Variants in ARHGAP19 observed in about 807,000 individuals in gnomAD.
ARHGAP19 encodes Rho GTPase activating protein 19.
A neutral mutation model predicts 60.9 loss-of-function variants in ARHGAP19; 48 were observed. The observed-to-expected ratio is 0.79, with a 90% CI of 0.62 to 1.00. The LOEUF (loss-of-function observed/expected upper bound fraction) is 1.00, where lower values mean the gene tolerates loss of function less well. Among genes scored for constraint, ARHGAP19 ranks in the 50% least tolerant of loss-of-function variants. The pLI is 0.00. For missense variants in ARHGAP19, 562 were observed against 597.2 expected (o/e 0.94, Z 0.61); for synonymous variants, 209 against 215.5 (o/e 0.97, Z 0.27).
intron 8 of ARHGAP19, among the ~76,000 whole-genome samples, chr10:97,241,806 A>G (rs1842487140): frequency 1.3e-5 from 2 of 152,044 alleles, no homozygotes; most frequent in Non-Finnish European, 2.9e-5. Flanking sequence ...TTAGGAGATC[A>G]AGACCATCCT....
intron 1 of ARHGAP19, among the ~76,000 whole-genome samples, chr10:97,284,421 C>G (rs1371914559): frequency 6.6e-6 from 1 of 152,036 alleles, no homozygotes; most frequent in Non-Finnish European, 1.5e-5. Context: ...CTCAGACCAG[C>G]CCCCATTTTT....
At chr10:97,256,892 C>T (rs568913547) in intron 5 of ARHGAP19, among the ~76,000 whole-genome samples, 4 of 152,160 alleles carry the variant, frequency 2.6e-5, no homozygotes, top group Admixed American at 1.3e-4. Flanking sequence ...GAGGCCAAGG[C>T]GGGCAGATCA....
intron 1 of ARHGAP19, among the ~76,000 whole-genome samples, chr10:97,287,507 C>T (rs142549524): frequency 1.5e-3 from 226 of 152,240 alleles, no homozygotes; most frequent in African/African-American, 5.3e-3. Flanking sequence ...TTTGGGAGGC[C>T]AAGGCAAGAG....
At chr10:97,228,652 C>A (rs769224383) in intron 11 of ARHGAP19, among the ~76,000 whole-genome samples, 1 of 152,112 alleles carries the variant, frequency 6.6e-6, no homozygotes, top group South Asian at 2.1e-4. Context: ...GCAGTCCCAG[C>A]ATTAAATAGT....
At chr10:97,229,905 T>C in intron 9 of ARHGAP19, 31 bp from the exon 10 acceptor site, 3 of 1,476,970 alleles carry the variant, frequency 2.0e-6, no homozygotes, top group African/African-American at 2.8e-5. Flanking sequence ...ATTTGATTTA[T>C]AAACACCTAC....
At chr10:97,281,180 C>A (rs1477834862) in intron 1 of ARHGAP19, among the ~76,000 whole-genome samples, 2 of 139,708 alleles carry the variant, frequency 1.4e-5, no homozygotes, top group Non-Finnish European at 3.0e-5. Context: ...CCTAGGAGTT[C>A]AAGACCAGTA....
intron 4 of ARHGAP19, among the ~76,000 whole-genome samples, chr10:97,260,929 ATAT>A (rs1381754639): frequency 7.0e-6 from 1 of 142,662 alleles, no homozygotes; most frequent in Admixed American, 7.2e-5. Flanking sequence ...CCCCATCTCT[ATAT>A]TTAAAAAAAA....
rs377506718 is a variant in ARHGAP19, at chr10:97,247,966, C to CTTT, written c.928-1632_928-1630dup. ...AGTATATCTTTTAATGTGGTTTTGA[C>CTTT]TTTTTTTTTTTTTTTTTGAGACGGA... On this transcript the variant is annotated intron_variant, in intron 6 of 11. Coordinates refer to ENST00000358531, the MANE Select transcript of ARHGAP19 (RefSeq NM_032900.6). Among the ~76,000 whole-genome samples the CTTT allele has an allele frequency of 2.2e-4, 30 of 135,028 alleles. 1 individual carries two copies. Among genetic ancestry groups the CTTT allele is most frequent in the Non-Finnish European group, 3.0e-4 (19 of 64,394 alleles). The allele number at this position is 135,028 out of a possible 152,430, so 88.6% of individuals were successfully genotyped here. A position where few individuals can be genotyped will look rare whatever the true frequency, so the allele number is the denominator to read the frequency against.
chr10:97,265,718 G>C, intron 2 of ARHGAP19, 142 bp downstream of exon 2: 1 of 876,398 alleles, frequency 1.1e-6, no homozygotes, highest in Non-Finnish European at 1.8e-6. Context: ...TATTACTTAA[G>C]GTGTTACTAC....
At chr10:97,283,754 G>A (rs1258709672) in intron 1 of ARHGAP19, among the ~76,000 whole-genome samples, 1 of 149,320 alleles carries the variant, frequency 6.7e-6, no homozygotes, top group Non-Finnish European at 1.5e-5. Flanking sequence ...CAGCACTTTG[G>A]GTTGCCAAGG....
In ARHGAP19 at chr10:97,252,353, T is replaced by C. The variant is rs374152840; in HGVS notation, c.927+3965A>G. 1.6e-3 allele frequency among the ~76,000 whole-genome samples: 227 copies of C among 146,212 alleles called. 1 individual carries two copies. Among genetic ancestry groups the C allele is most frequent in the Middle Eastern group, 7.8e-3 (2 of 258 alleles). ...AAAAAAAAAAATAGCCCGGGCGCGG[T>C]GGCTCACGCCTGTAATCCCAGCATT... On this transcript the variant is annotated intron_variant, in intron 6 of 11. Coordinates refer to ENST00000358531, the MANE Select transcript of ARHGAP19 (RefSeq NM_032900.6).
intron 6 of ARHGAP19, among the ~76,000 whole-genome samples, chr10:97,250,118 T>C (rs769242089): frequency 6.6e-6 from 1 of 152,074 alleles, no homozygotes; most frequent in Non-Finnish European, 1.5e-5. Flanking sequence ...TGTTTATTAT[T>C]GGGAGATGCA....
intron 1 of ARHGAP19, among the ~76,000 whole-genome samples, chr10:97,270,413 C>A (rs754725455): frequency 1.3e-5 from 2 of 152,136 alleles, no homozygotes; most frequent in African/African-American, 2.4e-5. Context: ...ACAAAGCCCA[C>A]TAATCCCTTT....
At chr10:97,250,711 G>T (rs947030265) in intron 6 of ARHGAP19, among the ~76,000 whole-genome samples, 1 of 150,606 alleles carries the variant, frequency 6.6e-6, no homozygotes, top group Non-Finnish European at 1.5e-5. Context: ...CTATAAAACG[G>T]AGCTTAAGAC....
chr10:97,254,241 A>T (rs1842725571), intron 6 of ARHGAP19, among the ~76,000 whole-genome samples: 1 of 152,172 alleles, frequency 6.6e-6, no homozygotes, highest in Non-Finnish European at 1.5e-5. Context: ...AAAATGAAGA[A>T]CCAACCTGGA....
At chr10:97,237,444 T>C (rs1251935817) in intron 8 of ARHGAP19, among the ~76,000 whole-genome samples, 4 of 152,158 alleles carry the variant, frequency 2.6e-5, no homozygotes, top group Non-Finnish European at 4.4e-5. Flanking sequence ...ATGATATCAC[T>C]GCTGTCCTAA....
rs1842751723 is a variant in ARHGAP19, at chr10:97,256,308, C to A, written c.927+10G>T. 1.2e-6 allele frequency: 2 copies of A among 1,605,454 alleles called. No homozygotes were observed. Among genetic ancestry groups the A allele is most frequent in the South Asian group, 1.1e-5 (1 of 90,818 alleles). On this transcript the variant is annotated intron_variant, in intron 6 of 11. Transcript: ENST00000358531. ...GTCCTGTTACCAGCCAAATGCTATC[C>A]CTTACCTACCTTAAAAAGTTTCTGG... is the stretch of plus-strand genomic sequence containing the variant.
intron 4 of ARHGAP19, among the ~76,000 whole-genome samples, chr10:97,260,528 T>C (rs948254564): frequency 2.0e-5 from 3 of 151,008 alleles, no homozygotes; most frequent in Non-Finnish European, 4.4e-5. Flanking sequence ...AGACTCCATC[T>C]CAAAAAAAAG....
At chr10:97,286,975 T>C (rs1174495371) in intron 1 of ARHGAP19, among the ~76,000 whole-genome samples, 4 of 152,144 alleles carry the variant, frequency 2.6e-5, no homozygotes, top group Admixed American at 6.5e-5. Flanking sequence ...TTGTACAGGG[T>C]CTCACTCTAT....
Sources: gnomAD v4.1 joint callset for allele counts (sites outside exome capture counted in the v4.1 genomes callset) on GRCh38, gnomAD v4.1.1 for gene constraint, MANE v1.5 for transcripts, NCBI Gene and HGNC (gene_info 2026-07-23, HGNC 2026-07-21) for gene names.